Variants in NBAS observed in about 807,000 individuals in gnomAD.
NBAS encodes NBAS subunit of NRZ tethering complex.
In NBAS, 219 loss-of-function variants were observed where a neutral mutation model predicts 302.5. The ratio of observed to expected loss-of-function variants is 0.72; its 90% CI spans 0.65 to 0.81. NBAS has a LOEUF of 0.81. NBAS is among the 30% of genes least tolerant of loss of function. The probability of loss-of-function intolerance (pLI) is 0.00; values close to 1 mark genes in which losing one functional copy is unlikely to be tolerated. For synonymous variants in NBAS, 1,118 were observed against 1,021.6 expected, an observed-to-expected ratio of 1.09 and a Z score of -1.80; for missense variants, 2,932 against 2,841.6, an observed-to-expected ratio of 1.03 and a Z score of -0.72.
the NBAS span, among the ~76,000 whole-genome samples, chr2:14,779,780 AT>A: frequency 6.6e-6 from 1 of 152,110 alleles, no homozygotes. Context: ...AGGAAAGCAG[AT>A]TTTTGTCTTT....
chr2:14,901,454 G>A, the NBAS span, among the ~76,000 whole-genome samples: 4 of 151,616 alleles, frequency 2.6e-5, no homozygotes, highest in East Asian at 1.9e-4. Flanking sequence ...AAAAAAAATC[G>A]GAAGGGTAAT....
At chr2:15,042,543 A>G in the NBAS span, among the ~76,000 whole-genome samples, 1 of 152,218 alleles carries the variant, frequency 6.6e-6, no homozygotes, top group East Asian at 1.9e-4. Context: ...AATTCACAGG[A>G]AGCCCATTGG....
In NBAS at chr2:15,531,378, G is replaced by A. The variant is rs137987608; in HGVS notation, c.746+3165C>T. Among the ~76,000 whole-genome samples the A allele has an allele frequency of 5.3e-3, 812 of 152,108 alleles. 3 individuals carry two copies. The highest frequency in any genetic ancestry group is 0.017 in the African/African-American group (724 of 41,480). ...AGTTCTGAGATCTCCATCCATGGCC[G>A]TACCACCCTGAATGCACCTGATCTC... On this transcript the variant is annotated intron_variant, in intron 9 of 51. Transcript: ENST00000281513.
chr2:14,892,392 A>G, the NBAS span, among the ~76,000 whole-genome samples: 4 of 152,230 alleles, frequency 2.6e-5, no homozygotes, highest in African/African-American at 9.6e-5. Flanking sequence ...CACCTGTGGC[A>G]CAATGGGCTC....
chr2:14,866,151 T>C, the NBAS span, among the ~76,000 whole-genome samples: 1 of 152,144 alleles, frequency 6.6e-6, no homozygotes, highest in African/African-American at 2.4e-5. Context: ...AAAGTCCATA[T>C]TGGCCATGTG....
the NBAS span, among the ~76,000 whole-genome samples, chr2:14,824,052 AG>A: frequency 6.6e-6 from 1 of 152,198 alleles, no homozygotes; most frequent in Non-Finnish European, 1.5e-5. Flanking sequence ...CCAGAGCCAG[AG>A]GGGCAACCCT....
Position 15,394,273 on chromosome 2 carries a change from C to CT in NBAS, c.3210dup (p.Glu1071ArgfsTer8). 3 of 1,612,888 alleles carry CT rather than the reference C, an allele frequency of 1.9e-6. No homozygotes were observed. Among genetic ancestry groups the CT allele is most frequent in the Non-Finnish European group, 1.7e-6 (2 of 1,179,346 alleles). On this transcript the variant is annotated frameshift_variant, in exon 28 of 52. Coordinates refer to ENST00000281513, the MANE Select transcript of NBAS (RefSeq NM_015909.4). LOFTEE classifies it high-confidence loss of function. ...AATCTAACCATCAGCTTGCGTGCCT[C>CT]TTCTGAGCTAGATTGAGTGTTTTTA...
chr2:15,230,775 G>C (rs2147923491), intron 47 of NBAS, among the ~76,000 whole-genome samples: 1 of 152,286 alleles, frequency 6.6e-6, no homozygotes, highest in South Asian at 2.1e-4. Context: ...GCTGATGGCT[G>C]AGAACTCACT....
chr2:15,352,133 TCTC>T, intron 34 of NBAS, 52 bp from the exon 35 acceptor site: 1 of 1,277,496 alleles, frequency 7.8e-7, no homozygotes, highest in Non-Finnish European at 1.1e-6. Context: ...TAAATTTGCT[TCTC>T]ATCACAATAT....
At chr2:15,496,064 GTA>G (rs1429922320) in intron 11 of NBAS, among the ~76,000 whole-genome samples, 3 of 148,004 alleles carry the variant, frequency 2.0e-5, no homozygotes, top group Non-Finnish European at 4.5e-5. Flanking sequence ...CTGTGTGTGT[GTA>G]TATATATACA....
At chr2:15,386,065 G>A (rs780347816) in intron 28 of NBAS, among the ~76,000 whole-genome samples, 1 of 152,220 alleles carries the variant, frequency 6.6e-6, no homozygotes. Flanking sequence ...TTACCAGAGA[G>A]GGCCACTGAT....
At chr2:15,154,323 A>C in the NBAS span, among the ~76,000 whole-genome samples, 1 of 152,204 alleles carries the variant, frequency 6.6e-6, no homozygotes, top group Non-Finnish European at 1.5e-5. Context: ...AAGGTTGCTG[A>C]GGCTCTTCAT....
chr2:15,548,449 C>A (rs1219449115), intron 6 of NBAS, among the ~76,000 whole-genome samples: 3 of 152,046 alleles, frequency 2.0e-5, no homozygotes, highest in Admixed American at 6.5e-5. Flanking sequence ...CAAGACCAGC[C>A]TGGCCAACAT....
At chr2:15,287,667 G>T (rs1048016982) in intron 41 of NBAS, among the ~76,000 whole-genome samples, 12 of 151,224 alleles carry the variant, frequency 7.9e-5, no homozygotes, top group African/African-American at 2.9e-4. Context: ...ACCATGTGTA[G>T]GCAGTCCCGT....
At chr2:15,404,514 T>G (rs535480561) in intron 25 of NBAS, among the ~76,000 whole-genome samples, 7 of 149,710 alleles carry the variant, frequency 4.7e-5, no homozygotes, top group African/African-American at 1.5e-4. Context: ...TTTTTTTAAT[T>G]TTTTTTTTTT....
chr2:14,954,699 G>C, the NBAS span, among the ~76,000 whole-genome samples: 1 of 152,120 alleles, frequency 6.6e-6, no homozygotes, highest in Non-Finnish European at 1.5e-5. Flanking sequence ...GGAGAGAGAA[G>C]GTGTGTCAAG....
intron 48 of NBAS, among the ~76,000 whole-genome samples, chr2:15,205,631 T>A (rs1666103966): frequency 6.6e-6 from 1 of 152,132 alleles, no homozygotes; most frequent in African/African-American, 2.4e-5. Context: ...GTGTCCCCAC[T>A]CAAATCGCAT....
chr2:14,817,070 G>A, the NBAS span, among the ~76,000 whole-genome samples: 2 of 152,184 alleles, frequency 1.3e-5, no homozygotes, highest in Non-Finnish European at 2.9e-5. Flanking sequence ...GTTTGCAAAT[G>A]TTTGTCATTT....
chr2:15,421,524 A>G (rs1274167857), intron 23 of NBAS, among the ~76,000 whole-genome samples: 1 of 152,182 alleles, frequency 6.6e-6, no homozygotes, highest in East Asian at 1.9e-4. Flanking sequence ...TCCCACATCA[A>G]TTAAATCTCT....
Sources: allele counts gnomAD v4.1 joint callset (sites outside exome capture counted in the v4.1 genomes callset), GRCh38; gene constraint gnomAD v4.1.1; transcripts MANE v1.5; gene names NCBI Gene and HGNC (gene_info 2026-07-23, HGNC 2026-07-21).